The following FLRT2 variants were observed in gnomAD, a reference collection of about 807,000 sequenced individuals.
FLRT2 encodes the protein fibronectin leucine rich transmembrane protein 2, also known as leucine-rich repeat transmembrane protein FLRT2.
FLRT2 carries 15 observed loss-of-function variants against 40.0 expected under a neutral mutation model. That is an observed-to-expected ratio of 0.38 (90% CI 0.25 to 0.58). The LOEUF is 0.58. FLRT2 is among the 20% of genes least tolerant of loss of function. The probability of loss-of-function intolerance (pLI) is 0.71; values close to 1 mark genes in which losing one functional copy is unlikely to be tolerated. For synonymous variants in FLRT2, 380 were observed against 336.8 expected (o/e 1.13, Z -1.41); for missense variants, 726 against 840.0 (o/e 0.86, Z 1.68).
intron 1 of FLRT2, among the ~76,000 whole-genome samples, chr14:85,576,578 T>C (rs1241205863): frequency 6.6e-6 from 1 of 152,196 alleles, no homozygotes; most frequent in African/African-American, 2.4e-5. Context: ...AGCATTCTTT[T>C]AAGGAAAGCC....
intron 1 of FLRT2, among the ~76,000 whole-genome samples, chr14:85,591,582 A>G (rs1891886674): frequency 6.6e-6 from 1 of 152,354 alleles, no homozygotes; most frequent in Non-Finnish European, 1.5e-5. Context: ...GGGACACACC[A>G]CAGCCCTGCC....
Position 85,652,897 on chromosome 14 carries a change from A to G in FLRT2, c.*29400A>G, listed in dbSNP as rs949095793. On this transcript the variant is annotated 3_prime_UTR_variant, in exon 2 of 2. Transcript: ENST00000330753. Reference sequence around the variant, plus strand: ...TGTAAGAACACCTTACTTTACATTCATTGAACTCTGAGGTTATAGAACTGT... The same window carrying G: ...TGTAAGAACACCTTACTTTACATTCGTTGAACTCTGAGGTTATAGAACTGT... 1.1e-4 allele frequency: 16 copies of G among 152,270 alleles called. No individual in the cohort carries two copies. Among genetic ancestry groups the G allele is most frequent in the African/African-American group, 3.8e-4 (16 of 41,578 alleles). 9.4% of individuals were successfully genotyped at this position (152,270 alleles called of 1,614,324 possible).
At chr14:85,610,726 C>A (rs1002186178) in intron 1 of FLRT2, among the ~76,000 whole-genome samples, 2 of 152,162 alleles carry the variant, frequency 1.3e-5, no homozygotes, top group East Asian at 1.9e-4. Flanking sequence ...AATCCCCCAT[C>A]CTTAGCAAAT....
At chr14:85,590,912 C>T (rs894105739) in intron 1 of FLRT2, among the ~76,000 whole-genome samples, 1 of 152,226 alleles carries the variant, frequency 6.6e-6, no homozygotes, top group Admixed American at 6.5e-5. Context: ...GCTCACCTCT[C>T]TTTCCTAATT....
At chr14:85,537,521 C>T (rs1416519011) in intron 1 of FLRT2, among the ~76,000 whole-genome samples, 3 of 151,958 alleles carry the variant, frequency 2.0e-5, no homozygotes, top group East Asian at 1.9e-4. Flanking sequence ...AACTACATGT[C>T]GCGAATTGAC....
Position 85,600,991 on chromosome 14 carries a change from T to TA in FLRT2, c.-376-20142dup, listed in dbSNP as rs145739129. ...GATAGGACTTTCATTTCATATTGTGTAAAAAATAGAAATAAATAAGCCATT... is the reference window on the plus strand; with the variant it reads ...GATAGGACTTTCATTTCATATTGTGTAAAAAAATAGAAATAAATAAGCCATT... On this transcript the variant is annotated intron_variant, in intron 1 of 1. Coordinates refer to ENST00000330753, the MANE Select transcript of FLRT2 (RefSeq NM_013231.6). 7.3e-3 allele frequency among the ~76,000 whole-genome samples: 1,116 copies of TA among 152,188 alleles called. 17 individuals are homozygous for TA. The highest frequency in any genetic ancestry group is 0.025 in the African/African-American group (1,020 of 41,522).
chr14:85,610,315 C>G (rs1229918832), intron 1 of FLRT2, among the ~76,000 whole-genome samples: 1 of 152,138 alleles, frequency 6.6e-6, no homozygotes, highest in African/African-American at 2.4e-5. Context: ...TCAGAGCATA[C>G]TTTTCTTCTC....
chr14:85,612,248 A>G (rs575063913), intron 1 of FLRT2, among the ~76,000 whole-genome samples: 45 of 152,076 alleles, frequency 3.0e-4, no homozygotes, highest in Non-Finnish European at 4.3e-4. Context: ...ATGGCCTTCA[A>G]TGAAAGCAGC....
intron 1 of FLRT2, among the ~76,000 whole-genome samples, chr14:85,603,688 G>A (rs1364544593): frequency 1.3e-5 from 2 of 150,654 alleles, no homozygotes; most frequent in African/African-American, 2.4e-5. Context: ...GGCCAACATG[G>A]CGAAACCCCA....
rs939184641 is a variant in FLRT2, at chr14:85,633,132, C to T, written c.*9635C>T. On this transcript the variant is annotated 3_prime_UTR_variant, in exon 2 of 2. Transcript: ENST00000330753. Reference sequence around the variant, plus strand: ...GGTAAGAATTACATGTAGAGATGATCTATTTAAAGGTAATTAGCATTCAAA... The same window carrying T: ...GGTAAGAATTACATGTAGAGATGATTTATTTAAAGGTAATTAGCATTCAAA... The T allele has an allele frequency of 6.6e-6, 1 of 152,134 alleles. No individual in the cohort carries two copies. Among genetic ancestry groups the T allele is most frequent in the Non-Finnish European group, 1.5e-5 (1 of 68,034 alleles). 9.4% of individuals were successfully genotyped at this position (152,134 alleles called of 1,614,324 possible). A position where few individuals can be genotyped will look rare whatever the true frequency, so the allele number is the denominator to read the frequency against.
intron 1 of FLRT2, among the ~76,000 whole-genome samples, chr14:85,570,888 T>C (rs993061631): frequency 7.2e-6 from 1 of 138,202 alleles, no homozygotes; most frequent in African/African-American, 2.5e-5. Context: ...CCCGGCCAAA[T>C]TCCCCTTATT....
rs1894002317 is a variant in FLRT2 at position 85,636,400 on chromosome 14, A to AAC, written c.*12904_*12905insCA. On this transcript the variant is annotated 3_prime_UTR_variant, in exon 2 of 2. Coordinates refer to ENST00000330753, the MANE Select transcript of FLRT2 (RefSeq NM_013231.6). ...GTGAAGTCACCTGCAGAAAAAAAAA[A>AAC]AAAAAAAACAAAAAACATTCTTATT... 6.9e-6 allele frequency: 1 copy of AAC among 145,508 alleles called. No individual in the cohort carries two copies. The highest frequency in any genetic ancestry group is 1.5e-5 in the Non-Finnish European group (1 of 65,554). The allele number at this position is 145,508 out of a possible 1,614,324, so 9.0% of individuals were successfully genotyped here. A position where few individuals can be genotyped will look rare whatever the true frequency, so the allele number is the denominator to read the frequency against.
chr14:85,569,437 G>C (rs116699512), intron 1 of FLRT2, among the ~76,000 whole-genome samples: 1,668 of 152,248 alleles, frequency 0.011, 36 homozygotes, highest in African/African-American at 0.038. Context: ...TGGGACTGTG[G>C]GACCAGGACA....
intron 1 of FLRT2, among the ~76,000 whole-genome samples, chr14:85,552,352 G>A (rs1889681296): frequency 6.6e-6 from 1 of 152,146 alleles, no homozygotes; most frequent in South Asian, 2.1e-4. Flanking sequence ...AGTGGGGATA[G>A]CAGTAATAAA....
At chr14:85,620,286 G>C (rs373371531) in intron 1 of FLRT2, among the ~76,000 whole-genome samples, 20 of 151,558 alleles carry the variant, frequency 1.3e-4, no homozygotes, top group African/African-American at 4.6e-4. Context: ...TAAATCATGT[G>C]GTAATGTGGT....
At position 85,530,259 on chromosome 14, in the gene FLRT2, G is replaced by T. The variant is rs1435583532; in HGVS notation, c.-652G>T. On this transcript the variant is annotated 5_prime_UTR_variant, in exon 1 of 2. Transcript: ENST00000330753. ...TGCCCGCAAATCTCCGCGCCAAGGC[G>T]CTGAGCTACTCCTTTCCGAGGTGCG... 6.6e-6 allele frequency: 1 copy of T among 152,658 alleles called. No individual in the cohort carries two copies. Among genetic ancestry groups the T allele is most frequent in the Non-Finnish European group, 1.5e-5 (1 of 68,058 alleles). 9.5% of individuals were successfully genotyped at this position (152,658 alleles called of 1,614,324 possible). A position where few individuals can be genotyped will look rare whatever the true frequency, so the allele number is the denominator to read the frequency against.
rs1351792173 is a variant in FLRT2, at chr14:85,637,501, G to A, written c.*14004G>A. On this transcript the variant is annotated 3_prime_UTR_variant, in exon 2 of 2. Transcript: ENST00000330753. ...AGCACAGTGTCTAGTATATACAGTT[G>A]CTTTGTTACATTAACTCCATTCAAT... 6.6e-6 allele frequency: 1 copy of A among 152,184 alleles called. No homozygotes were observed. Among genetic ancestry groups the A allele is most frequent in the African/African-American group, 2.4e-5 (1 of 41,444 alleles). 9.4% of individuals were successfully genotyped at this position (152,184 alleles called of 1,614,324 possible).
chr14:85,621,297 AT>A lies in FLRT2; in HGVS notation c.-212del. ...AGTGTGGAAAAATTCTCCCTGTTGA[AT>A]TTTTTGCACATGGAGGACAGCAGCA... is the stretch of plus-strand genomic sequence containing the variant. On this transcript the variant is annotated 5_prime_UTR_variant, in exon 2 of 2. The change abolishes the stop of an existing upstream ORF in the 5' untranslated region. Transcript: ENST00000330753. 1.9e-6 allele frequency: 1 copy of A among 535,838 alleles called. No homozygotes were observed. The allele number at this position is 535,838 out of a possible 1,614,324, so 33.2% of individuals were successfully genotyped here.
At chr14:85,588,990 A>G (rs1356027952) in intron 1 of FLRT2, among the ~76,000 whole-genome samples, 1 of 152,002 alleles carries the variant, frequency 6.6e-6, no homozygotes, top group African/African-American at 2.4e-5. Flanking sequence ...CATTTTCTTT[A>G]TTCATTCATC....
Sources: gnomAD v4.1 joint callset for allele counts (sites outside exome capture counted in the v4.1 genomes callset) on GRCh38, gnomAD v4.1.1 for gene constraint, MANE v1.5 for transcripts, NCBI Gene and HGNC (gene_info 2026-07-23, HGNC 2026-07-21) for gene names.